CAPRIN2: variants seen among roughly 807,000 people sequenced by gnomAD.
CAPRIN2 encodes caprin-2.
A neutral mutation model predicts 130.4 loss-of-function variants in CAPRIN2; 66 were observed. That is an observed-to-expected ratio of 0.51 (90% CI 0.42 to 0.62). The LOEUF is 0.62. Ranked by LOEUF, CAPRIN2 falls within the 20% of genes least tolerant of loss-of-function variation. The pLI is 0.00. For missense variants in CAPRIN2, 1,185 were observed against 1,246.6 expected, an observed-to-expected ratio of 0.95 and a Z score of 0.74; for synonymous variants, 471 against 444.1, an observed-to-expected ratio of 1.06 and a Z score of -0.76.
chr12:30,718,168 T>C (rs868020651), intron 12 of CAPRIN2, among the ~76,000 whole-genome samples: 68 of 152,350 alleles, frequency 4.5e-4, no homozygotes, highest in African/African-American at 1.6e-3. Context: ...GAGTACTAAA[T>C]TTCATTCTGT....
At chr12:30,753,354 T>C in exon 1 of CAPRIN2, 1 of 1,604,136 alleles carries the variant, frequency 6.2e-7, no homozygotes, top group Non-Finnish European at 8.5e-7. Context: ...CTTCTTTTTC[T>C]CGATGTTTCT....
exon 8 of CAPRIN2, chr12:30,729,135 A>G (rs2061804431): frequency 2.5e-6 from 4 of 1,613,644 alleles, no homozygotes; most frequent in Middle Eastern, 3.3e-4. Flanking sequence ...AGGCTTGGAT[A>G]CCTCCTGGTG....
At chr12:30,722,452 G>C (rs975638872) in intron 11 of CAPRIN2, among the ~76,000 whole-genome samples, 1 of 152,130 alleles carries the variant, frequency 6.6e-6, no homozygotes, top group African/African-American at 2.4e-5. Flanking sequence ...TACTAAGCTA[G>C]ACCAGTGCTT....
intron 6 of CAPRIN2, 122 bp downstream of exon 7, chr12:30,731,221 A>G (rs1181343446): frequency 3.1e-6 from 2 of 644,924 alleles, no homozygotes; most frequent in South Asian, 5.1e-5. Context: ...TGTGGTAAGT[A>G]AAGATTTCCA....
chr12:30,715,107 G>A, exon 14 of CAPRIN2: 1 of 1,614,020 alleles, frequency 6.2e-7, no homozygotes, highest in South Asian at 1.1e-5. Context: ...GGCTACCATT[G>A]CTTACTTGAA....
chr12:30,735,144 C>T (rs766215533), exon 4 of CAPRIN2: 3 of 1,614,022 alleles, frequency 1.9e-6, no homozygotes, highest in African/African-American at 2.7e-5. Flanking sequence ...GAAGCTTTTT[C>T]TTCTCAGCCT....
At chr12:30,717,001 T>C (rs1440491026) in intron 12 of CAPRIN2, among the ~76,000 whole-genome samples, 1 of 152,148 alleles carries the variant, frequency 6.6e-6, no homozygotes, top group Non-Finnish European at 1.5e-5. Flanking sequence ...GAATGCAAAA[T>C]GGTGCAGTCG....
chr12:30,723,035 G>C (rs6487933), intron 11 of CAPRIN2, among the ~76,000 whole-genome samples: 92,551 of 152,072 alleles, frequency 0.61, 28,958 homozygotes, highest in African/African-American at 0.73. Flanking sequence ...TTCAGGCTTG[G>C]TCTCTCCTTA....
chr12:30,716,542 T>C (rs907865181), exon 13 of CAPRIN2: 2 of 1,613,866 alleles, frequency 1.2e-6, no homozygotes, highest in South Asian at 2.2e-5. Flanking sequence ...GTTCTACATG[T>C]ATAGATGGCA....
At chr12:30,717,304 T>C (rs1053005133) in intron 12 of CAPRIN2, among the ~76,000 whole-genome samples, 4 of 152,180 alleles carry the variant, frequency 2.6e-5, no homozygotes. Context: ...GAAAACATTA[T>C]GCAAAGTGCA....
At chr12:30,736,740 T>C (rs1270858680) in intron 3 of CAPRIN2, among the ~76,000 whole-genome samples, 1 of 152,196 alleles carries the variant, frequency 6.6e-6, no homozygotes, top group Non-Finnish European at 1.5e-5. Context: ...GACCTCAGTA[T>C]AGACTGCATC....
chr12:30,729,173 G>A (rs367829995), exon 8 of CAPRIN2: 351 of 1,613,904 alleles, frequency 2.2e-4, no homozygotes, highest in Non-Finnish European at 2.7e-4. Flanking sequence ...AGGACTTAAA[G>A]GACTCCTGTT....
chr12:30,751,211 T>C (rs113893743), intron 1 of CAPRIN2, 78 bp from the exon 3 acceptor site: 17 of 1,155,864 alleles, frequency 1.5e-5, no homozygotes, highest in African/African-American at 1.4e-4. Flanking sequence ...AGATCTTGTC[T>C]CTAGGAAACA....
At chr12:30,749,970 G>A (rs536947642) in intron 2 of CAPRIN2, among the ~76,000 whole-genome samples, 4 of 152,140 alleles carry the variant, frequency 2.6e-5, no homozygotes, top group Admixed American at 2.0e-4. Flanking sequence ...CCCTCTCCCC[G>A]ATGTTTCTTA....
exon 4 of CAPRIN2, chr12:30,735,045 C>T: frequency 6.2e-7 from 1 of 1,614,124 alleles, no homozygotes; most frequent in East Asian, 2.2e-5. Flanking sequence ...AAGGCAAATA[C>T]ACTGCACCAT....
chr12:30,749,083 G>C (rs1161510446), intron 2 of CAPRIN2, among the ~76,000 whole-genome samples: 1 of 152,174 alleles, frequency 6.6e-6, no homozygotes, highest in African/African-American at 2.4e-5. Flanking sequence ...ATAAAAGGCT[G>C]AAGGAGGTTG....
rs529623153 is a variant in CAPRIN2, at chr12:30,737,171, AT to A, written c.571-1966del. 7.4e-3 allele frequency among the ~76,000 whole-genome samples: 1,080 copies of A among 145,794 alleles called. 4 individuals carry two copies. Among genetic ancestry groups the A allele is most frequent in the Middle Eastern group, 0.021 (6 of 282 alleles). The stretch of plus-strand genomic sequence containing the variant: ...AGGTACATGCCACCATGCCTGGCTA[AT>A]TTTTTTTTTTTAATAGAGATGAGGT... On this transcript the variant is annotated intron_variant, in intron 3 of 16. Transcript: ENST00000298892.
intron 6 of CAPRIN2, among the ~76,000 whole-genome samples, chr12:30,730,489 C>T (rs1477080270): frequency 6.6e-6 from 1 of 152,166 alleles, no homozygotes; most frequent in African/African-American, 2.4e-5. Flanking sequence ...TAGTAGCTCT[C>T]CTTATGTAAG....
intron 2 of CAPRIN2, among the ~76,000 whole-genome samples, chr12:30,744,423 C>A (rs1305664545): frequency 6.6e-6 from 1 of 152,152 alleles, no homozygotes; most frequent in Admixed American, 6.6e-5. Context: ...CCCCCTCCAG[C>A]TTCATCACCC....
Sources: allele counts gnomAD v4.1 joint callset (sites outside exome capture counted in the v4.1 genomes callset), GRCh38; gene constraint gnomAD v4.1.1; transcripts MANE v1.5; gene names NCBI Gene and HGNC (gene_info 2026-07-23, HGNC 2026-07-21).